Variants in CDS2 observed in about 807,000 individuals in gnomAD.
CDS2 encodes the protein CDP-diacylglycerol synthase 2, also known as phosphatidate cytidylyltransferase 2.
Under a neutral mutation model 59.0 loss-of-function variants are expected in CDS2, and 47 were observed. That is an observed-to-expected ratio of 0.80 (90% CI 0.63 to 1.02). The LOEUF is 1.02. Ranked by LOEUF, CDS2 falls within the 50% of genes least tolerant of loss-of-function variation. The probability of loss-of-function intolerance (pLI) is 0.00; values close to 1 mark genes in which losing one functional copy is unlikely to be tolerated. For synonymous variants in CDS2, 207 were observed against 206.4 expected (o/e 1.00, Z -0.02); for missense variants, 356 against 558.9 (o/e 0.64, Z 3.66).
At chr20:5,179,983 T>C (rs1197988933) in intron 5 of CDS2, among the ~76,000 whole-genome samples, 2 of 152,208 alleles carry the variant, frequency 1.3e-5, no homozygotes, top group Admixed American at 1.3e-4. Flanking sequence ...CACCTGACTA[T>C]TAAAATATAA....
intron 5 of CDS2, among the ~76,000 whole-genome samples, chr20:5,179,920 A>G (rs2091021486): frequency 6.6e-6 from 1 of 152,202 alleles, no homozygotes; most frequent in South Asian, 2.1e-4. Context: ...TCTGACCTCA[A>G]TGTCAATCTG....
At chr20:5,165,561 T>G (rs1202830329) in intron 1 of CDS2, among the ~76,000 whole-genome samples, 1 of 152,094 alleles carries the variant, frequency 6.6e-6, no homozygotes. Flanking sequence ...GTTTTTTTGT[T>G]TTTTTGAGAC....
At chr20:5,183,824 T>C (rs1265781985) in intron 7 of CDS2, among the ~76,000 whole-genome samples, 1 of 152,320 alleles carries the variant, frequency 6.6e-6, no homozygotes, top group East Asian at 1.9e-4. Context: ...TCAGCATTGA[T>C]AGAAATCACT....
intron 1 of CDS2, among the ~76,000 whole-genome samples, chr20:5,150,048 GA>G (rs1358169140): frequency 6.6e-6 from 1 of 152,102 alleles, no homozygotes; most frequent in Non-Finnish European, 1.5e-5. Context: ...TTTTGACATT[GA>G]AATCTTTCAT....
At chr20:5,158,164 C>CTTTT (rs397865587) in intron 1 of CDS2, among the ~76,000 whole-genome samples, 6 of 107,870 alleles carry the variant, frequency 5.6e-5, no homozygotes, top group African/African-American at 6.9e-5. Context: ...TGCTTTAGGT[C>CTTTT]TTTTTTTTTT....
At chr20:5,176,770 C>T (rs1338722053) in intron 4 of CDS2, 25 bp downstream of exon 4, 7 of 1,542,532 alleles carry the variant, frequency 4.5e-6, no homozygotes, top group Non-Finnish European at 5.4e-6. Context: ...CCCACAGAGG[C>T]TTTTAGAATT....
Position 5,175,295 on chromosome 20 carries a change from C to T in CDS2, c.291+16C>T. The stretch of plus-strand genomic sequence containing the variant: ...GATGATAATCGTAAGTGCCATTTCA[C>T]ACTATTTTAGTTTTCCCTTCAGTTT... On this transcript the variant is annotated intron_variant, in intron 3 of 12. Coordinates refer to ENST00000460006, the MANE Select transcript of CDS2 (RefSeq NM_003818.4). 1.2e-6 allele frequency: 2 copies of T among 1,600,474 alleles called. No individual in the cohort carries two copies. The highest frequency in any genetic ancestry group is 1.1e-5 in the South Asian group (1 of 90,756).
chr20:5,185,783 G>C lies in CDS2; in HGVS notation c.785G>C (p.Gly262Ala). ...CTGTCCCCGAAGAAGACCTGGGAAGGCTTCATTGGGGGCTTCTTTGCTACT... is the reference window on the plus strand; with the variant it reads ...CTGTCCCCGAAGAAGACCTGGGAAGCCTTCATTGGGGGCTTCTTTGCTACT... ...IKLSPKKTWEGFIGGFFATVV... is the reference protein window; with the variant it reads ...IKLSPKKTWEAFIGGFFATVV... Residue 262 changes from glycine to alanine, a missense_variant, in exon 9 of 13, where the codon GGC (glycine) becomes GCC (alanine). This residue lies in a region of CDS2 where 88 missense variants were observed against 103.6 expected (regional missense o/e 0.85). Transcript: ENST00000460006. The C allele has an allele frequency of 1.2e-6, 2 of 1,614,234 alleles. No homozygotes were observed. The highest frequency in any genetic ancestry group is 1.1e-5 in the South Asian group (1 of 91,086).
intron 1 of CDS2, among the ~76,000 whole-genome samples, chr20:5,171,641 C>T (rs960267024): frequency 4.6e-5 from 7 of 152,172 alleles, no homozygotes; most frequent in African/African-American, 9.7e-5. Context: ...TGGAGAGGGA[C>T]GACTCTGGAG....
intron 11 of CDS2, among the ~76,000 whole-genome samples, chr20:5,189,400 T>C (rs543020737): frequency 6.6e-6 from 1 of 152,314 alleles, no homozygotes; most frequent in Admixed American, 6.5e-5. Flanking sequence ...AATATATCTT[T>C]CTTCAAAAGA....
At chr20:5,170,502 G>C (rs747354560) in intron 1 of CDS2, among the ~76,000 whole-genome samples, 2 of 152,244 alleles carry the variant, frequency 1.3e-5, no homozygotes, top group Non-Finnish European at 2.9e-5. Context: ...GCGTCCACAG[G>C]ACATCAGGAG....
At chr20:5,155,504 G>A (rs2090826382) in intron 1 of CDS2, among the ~76,000 whole-genome samples, 1 of 152,134 alleles carries the variant, frequency 6.6e-6, no homozygotes, top group Non-Finnish European at 1.5e-5. Flanking sequence ...GGGGCTTTAG[G>A]GAGGATGTAG....
At chr20:5,137,780 C>T (rs1359668844) in intron 1 of CDS2, among the ~76,000 whole-genome samples, 1 of 151,524 alleles carries the variant, frequency 6.6e-6, no homozygotes, top group Non-Finnish European at 1.5e-5. Flanking sequence ...ACTACCATAA[C>T]CTCAAACATT....
intron 1 of CDS2, among the ~76,000 whole-genome samples, chr20:5,133,009 A>AT (rs2090620034): frequency 1.5e-5 from 2 of 137,730 alleles, no homozygotes; most frequent in Admixed American, 7.0e-5. Flanking sequence ...CTTCTCTACT[A>AT]CAAAAAAAAA....
At chr20:5,139,957 G>A (rs751775142) in intron 1 of CDS2, among the ~76,000 whole-genome samples, 15 of 151,982 alleles carry the variant, frequency 9.9e-5, no homozygotes, top group African/African-American at 2.9e-4. Context: ...CTGCCACCAC[G>A]CCCAGCTAAT....
chr20:5,151,347 G>A (rs770207038), intron 1 of CDS2, among the ~76,000 whole-genome samples: 12 of 152,100 alleles, frequency 7.9e-5, no homozygotes, highest in Non-Finnish European at 1.0e-4. Flanking sequence ...CAAATTAAAC[G>A]CACAACATAA....
chr20:5,166,462 CTG>C, intron 1 of CDS2, among the ~76,000 whole-genome samples: 1 of 152,020 alleles, frequency 6.6e-6, no homozygotes, highest in Middle Eastern at 3.4e-3. Flanking sequence ...GATTTAGGGT[CTG>C]TAGCTCAAGA....
chr20:5,173,436 C>T (rs1451823771), intron 1 of CDS2, 87 bp from the exon 2 acceptor site: 2 of 1,487,634 alleles, frequency 1.3e-6, no homozygotes, highest in South Asian at 1.2e-5. Context: ...GAGTCTTTCC[C>T]CACAGATCTC....
At chr20:5,144,740 T>C (rs2090725350) in intron 1 of CDS2, among the ~76,000 whole-genome samples, 1 of 152,216 alleles carries the variant, frequency 6.6e-6, no homozygotes, top group Admixed American at 6.5e-5. Context: ...ATGTTGAGGA[T>C]TACATGCATT....
Sources: gnomAD v4.1 joint callset for allele counts (sites outside exome capture counted in the v4.1 genomes callset) on GRCh38, gnomAD v4.1.1 for gene constraint, gnomAD v4.1.1 regional missense constraint, MANE v1.5 for transcripts, NCBI Gene and HGNC (gene_info 2026-07-23, HGNC 2026-07-21) for gene names.